The following PLK4 variants were observed in gnomAD, a reference collection of about 807,000 sequenced individuals.
The protein encoded by PLK4 is serine/threonine-protein kinase PLK4.
Under a neutral mutation model 103.0 loss-of-function variants are expected in PLK4, and 51 were observed. That is an observed-to-expected ratio of 0.50 (90% CI 0.40 to 0.63). The LOEUF (loss-of-function observed/expected upper bound fraction) is 0.63. PLK4 is among the 20% of genes least tolerant of loss of function. The pLI, the probability that PLK4 is intolerant of heterozygous loss-of-function variation, is 0.00. For missense variants in PLK4, 1,054 were observed against 1,151.0 expected (o/e 0.92, Z 1.22); for synonymous variants, 389 against 376.8 (o/e 1.03, Z -0.38).
Position 127,898,550 on chromosome 4 carries a change from C to T in PLK4, c.*9C>T. On this transcript the variant is annotated 3_prime_UTR_variant, in exon 16 of 16. Coordinates refer to ENST00000270861, the MANE Select transcript of PLK4 (RefSeq NM_014264.5). ...CTCCTAATTTTCATTGATTAAAACT[C>T]CTTTCAGACATATAAGTTTAATAAA... 8.3e-7 allele frequency: 1 copy of T among 1,207,864 alleles called. No homozygotes were observed. The highest frequency in any genetic ancestry group is 1.2e-6 in the Non-Finnish European group (1 of 827,916). 74.8% of individuals were successfully genotyped at this position (1,207,864 alleles called of 1,614,324 possible).
chr4:127,882,000 C>G lies in PLK4; in HGVS notation c.126+74C>G. Reference sequence around the variant, plus strand: ...AGAGGTATCAGAGATGTCAGAAACTCCTTGTCTACTAGCCTTTCCTTTGAT... The same window carrying G: ...AGAGGTATCAGAGATGTCAGAAACTGCTTGTCTACTAGCCTTTCCTTTGAT... On this transcript the variant is annotated intron_variant, in intron 2 of 15. Coordinates refer to ENST00000270861, the MANE Select transcript of PLK4 (RefSeq NM_014264.5). 3.6e-6 allele frequency: 3 copies of G among 823,616 alleles called. No individual in the cohort carries two copies. In the Admixed American group the frequency reaches 5.6e-5, roughly 15 times the overall value. 51.0% of individuals were successfully genotyped at this position (823,616 alleles called of 1,614,324 possible).
chr4:127,881,363 C>T (rs1378938750), intron 1 of PLK4, 199 bp downstream of exon 1: 7 of 1,440,054 alleles, frequency 4.9e-6, no homozygotes, highest in Non-Finnish European at 6.4e-6. Flanking sequence ...GTAGGGAAGG[C>T]GGGACAGGTG....
In PLK4 at chr4:127,890,188, G is replaced by T. The variant is rs370382016; in HGVS notation, c.1782G>T (p.Leu594Phe). The T allele has an allele frequency of 7.4e-6, 12 of 1,613,272 alleles. No homozygotes were observed. Among genetic ancestry groups the T allele is most frequent in the African/African-American group, 1.3e-5 (1 of 74,918 alleles). The stretch of plus-strand genomic sequence containing the variant: ...CATTAAGAAGCATTACATCTCCGTT[G>T]GTTGCTCACAGGTTAAAACCAATCA... ...NRTLRSITSP[L>F]VAHRLKPIRQ... Residue 594 changes from leucine (L) to phenylalanine (F), a missense_variant, in exon 7 of 16, where the codon TTG (leucine) becomes TTT (phenylalanine). Coordinates refer to ENST00000270861, the MANE Select transcript of PLK4 (RefSeq NM_014264.5).
rs1194182077 is a variant in PLK4, at chr4:127,893,840, A to G, written c.2521A>G (p.Ser841Gly). The change falls in exon 13 of 16, where the codon AGT becomes GGT. Residue 841 changes from serine to glycine, a missense_variant. Ser to Gly is a moderately conservative substitution (Grantham distance 56, BLOSUM62 0). Coordinates refer to ENST00000270861, the MANE Select transcript of PLK4 (RefSeq NM_014264.5). ...ATCTTTCAACAGAATGGTCATGCAT[A>G]GTGCTGCTTCTCCAACACAGGCACC... ...RASFNRMVMH[S>G]AASPTQAPIL... 1.9e-6 allele frequency: 3 copies of G among 1,608,874 alleles called. No homozygotes were observed. Among genetic ancestry groups the G allele is most frequent in the Non-Finnish European group, 2.6e-6 (3 of 1,175,456 alleles).
intron 6 of PLK4, among the ~76,000 whole-genome samples, chr4:127,888,214 C>CAAAAAAAAAAAAAAAAAAAA (rs1304799289): frequency 5.1e-5 from 2 of 38,856 alleles, no homozygotes; most frequent in Non-Finnish European, 1.3e-4. Context: ...AAAAAAAAAG[C>CAAAAAAAAAAAAAAAAAAAA]ATTTTCAGTA....
chr4:127,886,867 G>A (rs1735157822), intron 5 of PLK4, 139 bp downstream of exon 5: 1 of 589,436 alleles, frequency 1.7e-6, no homozygotes, highest in African/African-American at 1.9e-5. Context: ...TTGACCTGTG[G>A]TTAACAGTCT....
chr4:127,898,129 C>A (rs986230089), intron 15 of PLK4, among the ~76,000 whole-genome samples: 1 of 152,054 alleles, frequency 6.6e-6, no homozygotes, highest in African/African-American at 2.4e-5. Flanking sequence ...AACCACCGCG[C>A]CTGTCCGGGG....
At chr4:127,883,981 A>T (rs571337489) in intron 4 of PLK4, among the ~76,000 whole-genome samples, 44 of 152,204 alleles carry the variant, frequency 2.9e-4, no homozygotes, top group Non-Finnish European at 5.9e-4. Context: ...AGCTTCCAAA[A>T]CTAGTGACTC....
chr4:127,890,133 T>C lies in PLK4; in HGVS notation c.1727T>C (p.Met576Thr), dbSNP rs2148820770. 1 of 1,613,962 alleles carries C rather than the reference T, an allele frequency of 6.2e-7. No homozygotes were observed. Among genetic ancestry groups the C allele is most frequent in the Non-Finnish European group, 8.5e-7 (1 of 1,179,798 alleles). The stretch of plus-strand genomic sequence containing the variant: ...TCTGAACAGAGCAAGACTAGGGGTA[T>C]GGAGCCACCATGGGGTTATCAGAAT... ...PLSEQSKTRG[M>T]EPPWGYQNRT... Residue 576 changes from methionine (M) to threonine (T), a missense_variant, in exon 7 of 16, where the codon ATG (methionine) becomes ACG (threonine). By Grantham distance (81) the Met-to-Thr change is moderately conservative (BLOSUM62 -1). This residue lies in a region of PLK4 where 680 missense variants were observed against 660.3 expected (regional missense o/e 1.03). Transcript: ENST00000270861.
At chr4:127,885,613 A>C (rs1404872784) in intron 4 of PLK4, 95 bp from the exon 5 acceptor site, 15 of 959,658 alleles carry the variant, frequency 1.6e-5, no homozygotes, top group Admixed American at 2.3e-5. Context: ...GTGCTCTAGA[A>C]TATTTACCTG....
chr4:127,889,720 A>G, intron 6 of PLK4, 146 bp from the exon 7 acceptor site: 1 of 600,912 alleles, frequency 1.7e-6, no homozygotes, highest in Non-Finnish European at 2.9e-6. Context: ...CTTATTTGTT[A>G]GAAAATTATG....
rs1735670488 is a variant in PLK4 at position 127,898,727 on chromosome 4, A to G, written c.*186A>G. 2.3e-5 allele frequency: 11 copies of G among 488,536 alleles called. No individual in the cohort carries two copies. The East Asian group carries it at 3.3e-4, about 15-fold the overall frequency. The allele number at this position is 488,536 out of a possible 1,614,324, so 30.3% of individuals were successfully genotyped here. A position where few individuals can be genotyped will look rare whatever the true frequency, so the allele number is the denominator to read the frequency against. On this transcript the variant is annotated 3_prime_UTR_variant, in exon 16 of 16. Coordinates refer to ENST00000270861, the MANE Select transcript of PLK4 (RefSeq NM_014264.5). ...ATGAAACTTGAGTCACTTACTAAATATAGTGGATATAAAATAGAACACCTG... is the reference window on the plus strand; with the variant it reads ...ATGAAACTTGAGTCACTTACTAAATGTAGTGGATATAAAATAGAACACCTG...
At position 127,895,538 on chromosome 4, in the gene PLK4, C is replaced by T. The variant is rs547856357; in HGVS notation, c.2703+445C>T. On this transcript the variant is annotated intron_variant, in intron 14 of 15. Coordinates refer to ENST00000270861, the MANE Select transcript of PLK4 (RefSeq NM_014264.5). The stretch of plus-strand genomic sequence containing the variant: ...CTGGGTTGACACCATTCTCCTGCCT[C>T]AGCCTCCCGAGTAGCTGGGACTACA... Among the ~76,000 whole-genome samples the T allele has an allele frequency of 2.2e-5, 3 of 139,258 alleles. 1 individual carries two copies. In the South Asian group the frequency reaches 7.1e-4, roughly 33 times the overall value. The allele number at this position is 139,258 out of a possible 152,430, so 91.4% of individuals were successfully genotyped here. A position where few individuals can be genotyped will look rare whatever the true frequency, so the allele number is the denominator to read the frequency against.
chr4:127,897,824 C>CTTGTTTT (rs1735626662), intron 15 of PLK4, among the ~76,000 whole-genome samples: 1 of 28,802 alleles, frequency 3.5e-5, no homozygotes, highest in Non-Finnish European at 6.4e-5. Context: ...AGAATTAGGG[C>CTTGTTTT]TTTTTTTTTT....
At chr4:127,882,754 C>G (rs1734977528) in intron 2 of PLK4, among the ~76,000 whole-genome samples, 1 of 151,448 alleles carries the variant, frequency 6.6e-6, no homozygotes, top group South Asian at 2.1e-4. Flanking sequence ...GCTAAATTCC[C>G]ATCTCAAAAA....
At position 127,893,303 on chromosome 4, in the gene PLK4, CAGA is replaced by C. The variant is rs1553940147; in HGVS notation, c.2211_2213del (p.Glu737del). ...TTTTTAGGGGTAAAAATACACAAAA[CAGA>C]AGATTTCATTCAGGTGATTGAAAAG... On this transcript the variant is annotated inframe_deletion, in exon 11 of 16. Coordinates refer to ENST00000270861, the MANE Select transcript of PLK4 (RefSeq NM_014264.5). The C allele has an allele frequency of 1.1e-5, 18 of 1,573,350 alleles. No homozygotes were observed. The highest frequency in any genetic ancestry group is 2.7e-5 in the African/African-American group (2 of 72,818).
At chr4:127,895,462 T>TTC (rs1482546744) in intron 14 of PLK4, among the ~76,000 whole-genome samples, 2 of 130,800 alleles carry the variant, frequency 1.5e-5, no homozygotes, top group Non-Finnish European at 3.4e-5. Flanking sequence ...CTTTTTTTTT[T>TTC]TTTTTTTTTT....
chr4:127,886,032 A>G lies in PLK4; in HGVS notation c.662A>G (p.Asn221Ser). The G allele has an allele frequency of 6.2e-7, 1 of 1,614,076 alleles. No individual in the cohort carries two copies. Among genetic ancestry groups the G allele is most frequent in the Non-Finnish European group, 8.5e-7 (1 of 1,179,892 alleles). The change falls in exon 5 of 16, where the codon AAT becomes AGT. Residue 221 changes from asparagine (N) to serine (S), a missense_variant. By Grantham distance (46) the Asn-to-Ser change is conservative (BLOSUM62 1). Transcript: ENST00000270861. The part of the protein sequence containing the change: ...FDTDTVKNTL[N>S]KVVLADYEMP... ...ACTGACACAGTCAAGAACACATTAA[A>G]TAAAGTAGTATTGGCAGATTATGAA... is the stretch of plus-strand genomic sequence containing the variant.
At chr4:127,884,606 C>T (rs1735048488) in intron 4 of PLK4, among the ~76,000 whole-genome samples, 1 of 152,138 alleles carries the variant, frequency 6.6e-6, no homozygotes, top group Non-Finnish European at 1.5e-5. Context: ...GAGTTCGAGA[C>T]CAGCCTGGCC....
Sources: allele counts gnomAD v4.1 joint callset (sites outside exome capture counted in the v4.1 genomes callset), GRCh38; gene constraint gnomAD v4.1.1; regional missense constraint gnomAD v4.1.1; transcripts MANE v1.5; gene names NCBI Gene and HGNC (gene_info 2026-07-23, HGNC 2026-07-21).